LINGO2: variants seen among roughly 807,000 people sequenced by gnomAD.
LINGO2 encodes the protein leucine-rich repeat and immunoglobulin-like domain-containing nogo receptor-interacting protein 2.
A neutral mutation model predicts 30.6 loss-of-function variants in LINGO2; 14 were observed. That is an observed-to-expected ratio of 0.46 (90% CI 0.30 to 0.72). The LOEUF (loss-of-function observed/expected upper bound fraction) is 0.72, where lower values mean the gene tolerates loss of function less well. Among genes scored for constraint, LINGO2 ranks in the 30% least tolerant of loss-of-function variants. The pLI, the probability that LINGO2 is intolerant of heterozygous loss-of-function variation, is 0.07. For missense variants in LINGO2, 729 were observed against 751.7 expected (o/e 0.97, Z 0.35); for synonymous variants, 317 against 288.5 (o/e 1.10, Z -1.00).
At chr9:28,094,049 T>G (rs1323178765) in intron 4 of LINGO2, among the ~76,000 whole-genome samples, 1 of 152,108 alleles carries the variant, frequency 6.6e-6, no homozygotes, top group Non-Finnish European at 1.5e-5. Flanking sequence ...ATAAATGTGA[T>G]CTGAACAATG....
chr9:28,361,984 T>A (rs1474324628), intron 3 of LINGO2, among the ~76,000 whole-genome samples: 1 of 152,204 alleles, frequency 6.6e-6, no homozygotes, highest in African/African-American at 2.4e-5. Flanking sequence ...CTGCACCACA[T>A]AGGCCATTGT....
the LINGO2 span, among the ~76,000 whole-genome samples, chr9:28,774,041 T>TACACACAC: frequency 9.5e-5 from 14 of 146,894 alleles, no homozygotes; most frequent in South Asian, 4.5e-4. Context: ...TTCTTTTTGA[T>TACACACAC]ACACACACAC....
intron 4 of LINGO2, among the ~76,000 whole-genome samples, chr9:28,248,680 T>C (rs530024435): frequency 6.6e-6 from 1 of 152,362 alleles, no homozygotes; most frequent in African/African-American, 2.4e-5. Context: ...TTTTCCGTGA[T>C]GTGATTATTA....
In LINGO2 at chr9:28,117,229, C is replaced by T. The variant is rs573742461; in HGVS notation, c.-86-104824G>A. Among the ~76,000 whole-genome samples, 37 of 152,098 alleles carry T rather than the reference C, an allele frequency of 2.4e-4. No individual in the cohort carries two copies. In the South Asian group the frequency reaches 7.5e-3, roughly 31 times the overall value. On this transcript the variant is annotated intron_variant, in intron 4 of 5. Transcript: ENST00000379992. ...CCTCCCAGTTAGGCTGCCCGGGGTT[C>T]AGGGGTCAGGGACCCACTTGAGGAG...
the LINGO2 span, among the ~76,000 whole-genome samples, chr9:28,885,420 T>C: frequency 3.9e-4 from 56 of 144,424 alleles, no homozygotes; most frequent in South Asian, 9.3e-3. Context: ...TAGATATATA[T>C]ACACACACAT....
intron 1 of LINGO2, among the ~76,000 whole-genome samples, chr9:28,575,396 CA>C (rs3065643): frequency 7.1e-6 from 1 of 141,224 alleles, no homozygotes; most frequent in Non-Finnish European, 1.5e-5. Context: ...GACTCCGTCT[CA>C]AAAAAAAAAA....
At chr9:28,017,985 G>A (rs973376795) in intron 4 of LINGO2, among the ~76,000 whole-genome samples, 4 of 152,132 alleles carry the variant, frequency 2.6e-5, no homozygotes, top group African/African-American at 9.7e-5. Context: ...AACCAAAACA[G>A]CATGGTATTG....
the LINGO2 span, among the ~76,000 whole-genome samples, chr9:29,213,232 G>A: frequency 6.4e-4 from 98 of 152,232 alleles, no homozygotes; most frequent in Non-Finnish European, 9.7e-4. Flanking sequence ...CAATTCCCTG[G>A]CATCAGGCAG....
the LINGO2 span, among the ~76,000 whole-genome samples, chr9:28,735,207 G>A: frequency 3.7e-4 from 57 of 152,246 alleles, no homozygotes; most frequent in Middle Eastern, 6.8e-3. Flanking sequence ...AAGTTGAAGG[G>A]AGAGAGGAAA....
the LINGO2 span, among the ~76,000 whole-genome samples, chr9:28,737,584 T>C: frequency 6.6e-6 from 1 of 152,198 alleles, no homozygotes; most frequent in Non-Finnish European, 1.5e-5. Flanking sequence ...GCAAGTATTC[T>C]ACTGAGGCAG....
intron 3 of LINGO2, among the ~76,000 whole-genome samples, chr9:28,350,657 G>A (rs1166920891): frequency 2.0e-5 from 3 of 151,616 alleles, no homozygotes; most frequent in Non-Finnish European, 4.4e-5. Context: ...GACCTAATAG[G>A]CATCTACAGA....
chr9:28,944,688 G>A, the LINGO2 span, among the ~76,000 whole-genome samples: 1 of 151,986 alleles, frequency 6.6e-6, no homozygotes, highest in Admixed American at 6.6e-5. Flanking sequence ...CTACAGGCGT[G>A]AGCCACCACA....
rs35676869 is a variant in LINGO2 at position 28,391,604 on chromosome 9, C to CGTGTGTGTGT, written c.-278-18746_-278-18737dup. Among the ~76,000 whole-genome samples the CGTGTGTGTGT allele has an allele frequency of 8.0e-3, 1,178 of 147,826 alleles. 20 individuals are homozygous for CGTGTGTGTGT. The highest frequency in any genetic ancestry group is 0.028 in the African/African-American group (1,122 of 40,130). ...TTTTCACAATTTGTATTTATGTTTGCGTGTGTGTGTGTGTGTGTGTGTGTG... is the reference window on the plus strand; with the variant it reads ...TTTTCACAATTTGTATTTATGTTTGCGTGTGTGTGTGTGTGTGTGTGTGTGTGTGTGTGTG... On this transcript the variant is annotated intron_variant, in intron 2 of 5. Coordinates refer to ENST00000379992, the Ensembl canonical transcript of LINGO2.
chr9:28,042,373 AG>A (rs1299753648), intron 4 of LINGO2, among the ~76,000 whole-genome samples: 4 of 152,220 alleles, frequency 2.6e-5, no homozygotes, highest in Non-Finnish European at 5.9e-5. Flanking sequence ...TGTATAAAAC[AG>A]CAAAATCTGA....
chr9:28,664,425 GC>G (rs1828710412), intron 1 of LINGO2, among the ~76,000 whole-genome samples: 1 of 152,060 alleles, frequency 6.6e-6, no homozygotes, highest in Non-Finnish European at 1.5e-5. Flanking sequence ...CGCAATTTAA[GC>G]CCACATAGTA....
the LINGO2 span, among the ~76,000 whole-genome samples, chr9:28,809,541 C>T: frequency 3.3e-5 from 5 of 152,020 alleles, no homozygotes; most frequent in African/African-American, 7.2e-5. Context: ...GACAGGAGTT[C>T]GGGACCAGCC....
chr9:28,696,835 ATT>A, the LINGO2 span, among the ~76,000 whole-genome samples: 3 of 151,890 alleles, frequency 2.0e-5, no homozygotes, highest in African/African-American at 4.8e-5. Context: ...TTGAAAATGA[ATT>A]TAGGTGAGCT....
the LINGO2 span, among the ~76,000 whole-genome samples, chr9:28,823,319 G>C: frequency 0.019 from 2,940 of 152,282 alleles, 41 homozygotes; most frequent in Non-Finnish European, 0.03. Context: ...TAGGCAGATG[G>C]TTCCTAGAAA....
intron 4 of LINGO2, among the ~76,000 whole-genome samples, chr9:28,157,726 T>G (rs1828173748): frequency 6.6e-6 from 1 of 152,212 alleles, no homozygotes; most frequent in African/African-American, 2.4e-5. Context: ...CTTAGAAATT[T>G]CTTCCAAGAG....
Sources: allele counts gnomAD v4.1 joint callset (sites outside exome capture counted in the v4.1 genomes callset), GRCh38; gene constraint gnomAD v4.1.1; transcripts MANE v1.5; gene names NCBI Gene and HGNC (gene_info 2026-07-23, HGNC 2026-07-21).